Variants in ANXA6 observed in about 807,000 individuals in gnomAD.
ANXA6 encodes the protein annexin A6.
ANXA6 carries 71 observed loss-of-function variants against 95.4 expected under a neutral mutation model. The observed-to-expected ratio is 0.74, with a 90% CI of 0.61 to 0.91. The LOEUF (loss-of-function observed/expected upper bound fraction) is 0.91, where lower values mean the gene tolerates loss of function less well. Ranked by LOEUF, ANXA6 falls within the 40% of genes least tolerant of loss-of-function variation. The pLI is 0.00. For synonymous variants in ANXA6, 289 were observed against 315.9 expected (o/e 0.91, Z 0.90); for missense variants, 830 against 876.4 (o/e 0.95, Z 0.67).
At chr5:151,119,456 C>T in intron 17 of ANXA6, 66 bp from the exon 18 acceptor site, 1 of 1,397,552 alleles carries the variant, frequency 7.2e-7, no homozygotes, top group Non-Finnish European at 1.0e-6. Flanking sequence ...GTCCATGGGG[C>T]CCGGACGGCT....
In ANXA6 at chr5:151,129,619, A is replaced by T; in HGVS notation, c.796-90T>A. 11 of 1,430,878 alleles carry T rather than the reference A, an allele frequency of 7.7e-6. No homozygotes were observed. In the South Asian group the frequency reaches 1.5e-4, roughly 19 times the overall value. The allele number at this position is 1,430,878 out of a possible 1,614,324, so 88.6% of individuals were successfully genotyped here. ...GCTTAGTTGAAAATCCTATTTTCAT[A>T]ATAAAAAGTTAAAATTTAGAGCAAA... On this transcript the variant is annotated intron_variant, in intron 11 of 25. Coordinates refer to ENST00000354546, the MANE Select transcript of ANXA6 (RefSeq NM_001155.5).
intron 11 of ANXA6, among the ~76,000 whole-genome samples, chr5:151,130,501 C>T (rs985452312): frequency 6.6e-6 from 1 of 152,198 alleles, no homozygotes; most frequent in African/African-American, 2.4e-5. Flanking sequence ...GTGATCCTCC[C>T]ACTTTGGCCT....
At chr5:151,126,138 A>G (rs750710339) in intron 14 of ANXA6, among the ~76,000 whole-genome samples, 28 of 152,174 alleles carry the variant, frequency 1.8e-4, no homozygotes, top group African/African-American at 6.8e-4. Flanking sequence ...AGGCCCCTCC[A>G]TGGAACCAGC....
rs181203511 is a variant in ANXA6, at chr5:151,136,304, G to A, written c.441C>T (p.Ile147=). 2.7e-5 allele frequency: 43 copies of A among 1,613,892 alleles called. No individual in the cohort carries two copies. In the East Asian group the frequency reaches 5.8e-4, roughly 22 times the overall value. Reference sequence around the variant, plus strand: ...TCTGGAAGTGGCCAGAGGTGTCGCCGATGATGTCAGCCTCCAGGTCCCGCT... The same window carrying A: ...TCTGGAAGTGGCCAGAGGTGTCGCCAATGATGTCAGCCTCCAGGTCCCGCT... The part of the protein sequence containing the change: ...AYERDLEADI[I]GDTSGHFQKM... Residue 147 remains isoleucine, a synonymous_variant, in exon 7 of 26, where the codon ATC becomes ATT. Transcript: ENST00000354546.
intron 1 of ANXA6, among the ~76,000 whole-genome samples, chr5:151,153,845 T>C (rs999920564): frequency 7.2e-5 from 11 of 152,206 alleles, no homozygotes; most frequent in Admixed American, 6.5e-5. Flanking sequence ...GTGTGGTCAT[T>C]GATTAATAAG....
intron 16 of ANXA6, among the ~76,000 whole-genome samples, chr5:151,122,603 G>A (rs1489606959): frequency 1.3e-5 from 2 of 152,222 alleles, no homozygotes; most frequent in African/African-American, 4.8e-5. Flanking sequence ...AGCCAGCTCT[G>A]TCTGTGCAGA....
At chr5:151,147,957 C>A (rs1433675608) in intron 1 of ANXA6, 31 bp from the exon 2 acceptor site, 5 of 1,565,836 alleles carry the variant, frequency 3.2e-6, no homozygotes, top group African/African-American at 2.7e-5. Context: ...ATGTGAGATT[C>A]CCCCCAACTC....
chr5:151,139,506 G>A (rs1175593860), intron 3 of ANXA6, 59 bp from the exon 4 acceptor site: 2 of 1,239,232 alleles, frequency 1.6e-6, no homozygotes, highest in East Asian at 4.7e-5. Context: ...AGCCCACCAG[G>A]GCCACTTCCT....
At chr5:151,144,684 TG>T (rs1765930341) in intron 2 of ANXA6, among the ~76,000 whole-genome samples, 1 of 151,992 alleles carries the variant, frequency 6.6e-6, no homozygotes. Flanking sequence ...AGTGCCATGC[TG>T]GGGGAAGGGT....
intron 2 of ANXA6, among the ~76,000 whole-genome samples, chr5:151,145,245 A>G (rs570040594): frequency 6.6e-6 from 1 of 152,246 alleles, no homozygotes; most frequent in African/African-American, 2.4e-5. Context: ...GGGAGCAGAG[A>G]TGATGTCCCC....
intron 20 of ANXA6, among the ~76,000 whole-genome samples, chr5:151,116,791 A>G (rs1765011518): frequency 6.6e-6 from 1 of 152,142 alleles, no homozygotes; most frequent in Non-Finnish European, 1.5e-5. Flanking sequence ...CTAGGGGTCA[A>G]TTCTACTGGG....
intron 20 of ANXA6, among the ~76,000 whole-genome samples, chr5:151,116,515 G>A (rs1239071520): frequency 3.3e-5 from 5 of 152,240 alleles, no homozygotes; most frequent in Admixed American, 2.6e-4. Context: ...AGCTCACTAG[G>A]CTAAGGAGCA....
At chr5:151,111,846 T>C (rs923180149) in intron 20 of ANXA6, among the ~76,000 whole-genome samples, 2 of 152,110 alleles carry the variant, frequency 1.3e-5, no homozygotes, top group Non-Finnish European at 2.9e-5. Context: ...AAGAGTGCAG[T>C]GGTGCGATCT....
At chr5:151,111,396 T>G (rs563623889) in intron 20 of ANXA6, among the ~76,000 whole-genome samples, 69 of 152,358 alleles carry the variant, frequency 4.5e-4, no homozygotes, top group Middle Eastern at 3.4e-3. Flanking sequence ...TTGGATAGAC[T>G]GAACTCTTTA....
At chr5:151,144,578 C>T (rs1476378023) in intron 2 of ANXA6, among the ~76,000 whole-genome samples, 3 of 152,068 alleles carry the variant, frequency 2.0e-5, no homozygotes, top group South Asian at 2.1e-4. Context: ...TGAGGCAGCA[C>T]GCAGACCCCA....
At chr5:151,131,145 T>C (rs1765499559) in intron 11 of ANXA6, 86 bp downstream of exon 11, 26 of 1,448,270 alleles carry the variant, frequency 1.8e-5, no homozygotes, top group Non-Finnish European at 2.5e-5. Flanking sequence ...TGAAGGGCTC[T>C]CTTTGGCCAC....
rs1300279343 is a variant in ANXA6, at chr5:151,101,286, T to C, written c.*162A>G. ...CTGGGCCCTCGATGGCCCGTGGGAGTGGGAGCGTTTCCTAAGCTCCACTGA... is the reference window on the plus strand; with the variant it reads ...CTGGGCCCTCGATGGCCCGTGGGAGCGGGAGCGTTTCCTAAGCTCCACTGA... On this transcript the variant is annotated 3_prime_UTR_variant, in exon 26 of 26. Transcript: ENST00000354546. The C allele has an allele frequency of 8.7e-6, 6 of 687,126 alleles. No homozygotes were observed. The highest frequency in any genetic ancestry group is 1.8e-5 in the African/African-American group (1 of 55,754). 42.6% of individuals were successfully genotyped at this position (687,126 alleles called of 1,614,324 possible). A position where few individuals can be genotyped will look rare whatever the true frequency, so the allele number is the denominator to read the frequency against.
chr5:151,144,727 C>T (rs80265822), intron 2 of ANXA6, among the ~76,000 whole-genome samples: 9,109 of 152,188 alleles, frequency 0.06, 302 homozygotes, highest in Non-Finnish European at 0.072. Flanking sequence ...TTGATCCAAA[C>T]GCTCACTTAG....
At chr5:151,116,340 A>G (rs929962200) in intron 20 of ANXA6, among the ~76,000 whole-genome samples, 9 of 152,230 alleles carry the variant, frequency 5.9e-5, no homozygotes, top group African/African-American at 1.7e-4. Flanking sequence ...CAGTCAGAAG[A>G]GATGGAGACA....
Sources: allele counts gnomAD v4.1 joint callset (sites outside exome capture counted in the v4.1 genomes callset), GRCh38; gene constraint gnomAD v4.1.1; transcripts MANE v1.5; gene names NCBI Gene and HGNC (gene_info 2026-07-23, HGNC 2026-07-21).